The following ANKRD11 variants were observed in gnomAD, a reference collection of about 807,000 sequenced individuals.
ANKRD11 encodes the protein ankyrin repeat domain 11.
ANKRD11 carries 17 observed loss-of-function variants against 195.7 expected under a neutral mutation model. The ratio of observed to expected loss-of-function variants is 0.09; its 90% CI spans 0.06 to 0.13. The LOEUF (loss-of-function observed/expected upper bound fraction) is 0.13. Among genes scored for constraint, ANKRD11 ranks in the 10% least tolerant of loss-of-function variants. The probability of loss-of-function intolerance (pLI) is 1.00; values close to 1 mark genes in which losing one functional copy is unlikely to be tolerated. For synonymous variants in ANKRD11, 1,953 were observed against 1,528.1 expected (o/e 1.28, Z -6.49); for missense variants, 3,735 against 3,566.1 (o/e 1.05, Z -1.21).
rs528100197 is a variant in ANKRD11, at chr16:89,387,696, A to G, written c.-60+30588T>C. On this transcript the variant is annotated intron_variant, in intron 2 of 12. Transcript: ENST00000301030. ...TCAAAAATAAAAAAAGAAAAAGAAA[A>G]AAAAAAAAAAAAAAGACTGTGCTTG... Among the ~76,000 whole-genome samples the G allele has an allele frequency of 1.0e-4, 14 of 138,078 alleles. No homozygotes were observed. In the East Asian group the frequency reaches 2.8e-3, roughly 27 times the overall value. 90.6% of individuals were successfully genotyped at this position (138,078 alleles called of 152,430 possible).
intron 2 of ANKRD11, chr16:89,323,983 A>C: frequency 4.6e-6 from 1 of 218,534 alleles, no homozygotes; most frequent in Non-Finnish European, 9.2e-6. Flanking sequence ...CCCAAAATTC[A>C]CAGGTTCAAA....
At chr16:89,270,622 G>A (rs1022411865) in intron 12 of ANKRD11, 195 bp downstream of exon 12, 3 of 636,560 alleles carry the variant, frequency 4.7e-6, no homozygotes, top group Non-Finnish European at 8.5e-6. Flanking sequence ...GAAGACTGAG[G>A]AGGCCACACG....
At chr16:89,394,162 C>A (rs2041323924) in intron 2 of ANKRD11, among the ~76,000 whole-genome samples, 1 of 152,034 alleles carries the variant, frequency 6.6e-6, no homozygotes, top group African/African-American at 2.4e-5. Flanking sequence ...ACAATGTCCT[C>A]CTGAGGTCAA....
Position 89,283,744 on chromosome 16 carries a change from T to A in ANKRD11, c.2798A>T (p.Tyr933Phe). Residue 933 changes from tyrosine (Y) to phenylalanine (F), a missense_variant, in exon 9 of 13, where the codon TAC becomes TTC. Tyr to Phe is a conservative substitution (Grantham distance 22). Coordinates refer to ENST00000301030, the MANE Select transcript of ANKRD11 (RefSeq NM_013275.6). This position sits in a 1 kb window ranked among gnomAD's most constrained non-coding sequence, Gnocchi z 4.3. ...CCTCTTCTTGTCCTTTTCCGAAAGG[T>A]AGCCAGGGACACTTTTATGCTTTTC... is the stretch of plus-strand genomic sequence containing the variant. ...QTEKHKSVPG[Y>F]LSEKDKKRRE... is the part of the protein sequence containing the mutation. 1 of 1,613,536 alleles carries A rather than the reference T, an allele frequency of 6.2e-7. No homozygotes were observed. Among genetic ancestry groups the A allele is most frequent in the Non-Finnish European group, 8.5e-7 (1 of 1,179,716 alleles).
intron 3 of ANKRD11, among the ~76,000 whole-genome samples, chr16:89,312,645 G>GA (rs397809689): frequency 6.6e-5 from 10 of 152,030 alleles, no homozygotes; most frequent in African/African-American, 2.2e-4. Context: ...GCCCATGTGG[G>GA]CCCACAGCGG....
chr16:89,272,187 C>T (rs1040469393), intron 11 of ANKRD11: 4 of 152,150 alleles, frequency 2.6e-5, no homozygotes, highest in African/African-American at 4.8e-5. Flanking sequence ...TCAAAACTAC[C>T]GTGAGACATC....
chr16:89,361,176 T>C (rs1175332451), intron 2 of ANKRD11, among the ~76,000 whole-genome samples: 2 of 152,210 alleles, frequency 1.3e-5, no homozygotes, highest in African/African-American at 4.8e-5. Context: ...CCTGCTCAGC[T>C]ACCCTAAACC....
chr16:89,428,327 C>T (rs1049833578), intron 1 of ANKRD11, among the ~76,000 whole-genome samples: 4 of 152,036 alleles, frequency 2.6e-5, no homozygotes, highest in African/African-American at 9.7e-5. Flanking sequence ...AGATCGAGAC[C>T]ATCCTGGCCA....
chr16:89,377,234 C>G (rs1261849779), intron 2 of ANKRD11, among the ~76,000 whole-genome samples: 1 of 152,090 alleles, frequency 6.6e-6, no homozygotes, highest in Non-Finnish European at 1.5e-5. Flanking sequence ...AGGCTCATTA[C>G]ACACAGCATG....
intron 6 of ANKRD11, among the ~76,000 whole-genome samples, chr16:89,290,216 G>T (rs1459345551): frequency 6.7e-6 from 1 of 149,956 alleles, no homozygotes; most frequent in African/African-American, 2.5e-5. Flanking sequence ...GAGGCTCACG[G>T]CTCCAATGGG....
intron 2 of ANKRD11, among the ~76,000 whole-genome samples, chr16:89,336,222 G>T (rs2038345286): frequency 2.0e-5 from 3 of 152,228 alleles, no homozygotes; most frequent in Admixed American, 1.3e-4. Context: ...AGACTTGAGG[G>T]GTTCAGGCAA....
At chr16:89,288,329 G>T in intron 7 of ANKRD11, 199 bp downstream of exon 7, 1 of 829,156 alleles carries the variant, frequency 1.2e-6, no homozygotes, top group Non-Finnish European at 2.0e-6. Flanking sequence ...GGAAACCTGT[G>T]AGAGGCCGTC....
intron 2 of ANKRD11, among the ~76,000 whole-genome samples, chr16:89,356,780 CAAAAAAA>C (rs58470031): frequency 1.9e-5 from 2 of 103,988 alleles, no homozygotes; most frequent in African/African-American, 3.8e-5. Context: ...GACTCCGTCT[CAAAAAAA>C]AAAAAAAAGA....
chr16:89,286,309 T>C, intron 7 of ANKRD11, 123 bp from the exon 8 acceptor site: 1 of 1,394,722 alleles, frequency 7.2e-7, no homozygotes, highest in Non-Finnish European at 1.0e-6. Flanking sequence ...CCCCTCACGG[T>C]CTGAGGGTGT....
intron 1 of ANKRD11, among the ~76,000 whole-genome samples, chr16:89,461,370 C>T (rs946762288): frequency 1.3e-5 from 2 of 151,968 alleles, no homozygotes; most frequent in Admixed American, 6.6e-5. Context: ...GGCTTTGCAC[C>T]GTGTGAATCT....
intron 2 of ANKRD11, among the ~76,000 whole-genome samples, chr16:89,410,779 T>G (rs766142057): frequency 6.6e-6 from 1 of 152,230 alleles, no homozygotes; most frequent in African/African-American, 2.4e-5. Flanking sequence ...TATTTTCCCA[T>G]GCCCAGGCAG....
At chr16:89,402,622 G>C (rs1213234937) in intron 2 of ANKRD11, among the ~76,000 whole-genome samples, 1 of 149,930 alleles carries the variant, frequency 6.7e-6, no homozygotes, top group African/African-American at 2.5e-5. Flanking sequence ...TTCAAGCCTT[G>C]AGTGAGCTGT....
intron 2 of ANKRD11, among the ~76,000 whole-genome samples, chr16:89,355,124 C>T (rs1159411512): frequency 6.6e-6 from 1 of 152,200 alleles, no homozygotes; most frequent in African/African-American, 2.4e-5. Context: ...GCCCTGTGGT[C>T]TCCCGTCTGG....
rs532205689 is a variant in ANKRD11, at chr16:89,316,115, C to T, written c.87+818G>A. Among the ~76,000 whole-genome samples the T allele has an allele frequency of 3.3e-5, 5 of 152,254 alleles. No individual in the cohort carries two copies. The South Asian group carries it at 1.0e-3, about 32-fold the overall frequency. On this transcript the variant is annotated intron_variant, in intron 3 of 12. Coordinates refer to ENST00000301030, the MANE Select transcript of ANKRD11 (RefSeq NM_013275.6). ...CACGAGGATCAAAGGACGACAGCGA[C>T]AGGATGGCAGGAGCTGACACACATC...
Sources: gnomAD v4.1 joint callset for allele counts (sites outside exome capture counted in the v4.1 genomes callset) on GRCh38, gnomAD v4.1.1 for gene constraint, Gnocchi (gnomAD v3.1) non-coding constraint, MANE v1.5 for transcripts, NCBI Gene and HGNC (gene_info 2026-07-23, HGNC 2026-07-21) for gene names.